PRDM16: variants seen among roughly 807,000 people sequenced by gnomAD.
The protein encoded by PRDM16 is histone-lysine N-methyltransferase PRDM16.
In PRDM16, 23 loss-of-function variants were observed where a neutral mutation model predicts 110.6. The observed-to-expected ratio is 0.21, with a 90% confidence interval of 0.15 to 0.29. The LOEUF (loss-of-function observed/expected upper bound fraction) is 0.29, where lower values mean the gene tolerates loss of function less well. PRDM16 is among the 10% of genes least tolerant of loss of function. The pLI is 1.00. For missense variants in PRDM16, 1,615 were observed against 1,794.3 expected (o/e 0.90, Z 1.81); for synonymous variants, 799 against 781.8 (o/e 1.02, Z -0.37).
At chr1:3,227,433 T>G (rs1350257300) in intron 2 of PRDM16, among the ~76,000 whole-genome samples, 1 of 152,224 alleles carries the variant, frequency 6.6e-6, no homozygotes, top group African/African-American at 2.4e-5. Context: ...CGGGCCTCCG[T>G]CAACTCAGCT....
intron 4 of PRDM16, chr1:3,396,222 G>T: frequency 3.8e-6 from 2 of 523,448 alleles, no homozygotes; most frequent in Non-Finnish European, 3.7e-6. Flanking sequence ...GACACCCCCA[G>T]CTGGGAACTT....
chr1:3,376,852 G>A (rs1642999239), intron 3 of PRDM16, among the ~76,000 whole-genome samples: 1 of 151,940 alleles, frequency 6.6e-6, no homozygotes, highest in Admixed American at 6.6e-5. Flanking sequence ...TGGCCGTGGT[G>A]TGGCCCCATC....
intron 3 of PRDM16, among the ~76,000 whole-genome samples, chr1:3,326,118 CTCGTTGGCCATCCTCGACCATCCTTGG>C (rs1641898418): frequency 7.0e-6 from 1 of 142,544 alleles, no homozygotes; most frequent in African/African-American, 2.7e-5. Flanking sequence ...ATCCTTGGCC[CTCGTTGGCCATCCTCGACCATCCTTGG>C]CCCTCGTTGG....
rs183366971 is a variant in PRDM16 at position 3,382,207 on chromosome 1, C to A, written c.439-2945C>A. ...GGTCTGCACCCTAGAGGATGGGAAG[C>A]CTGCCTCCCTAGTGACAACCAGCCG... On this transcript the variant is annotated intron_variant, in intron 3 of 16. Transcript: ENST00000270722. This position sits in a 1 kb window ranked among gnomAD's most constrained non-coding sequence, Gnocchi z 6.6. Among the ~76,000 whole-genome samples the A allele has an allele frequency of 3.6e-3, 546 of 152,330 alleles. 4 individuals are homozygous for A. Among genetic ancestry groups the A allele is most frequent in the African/African-American group, 0.013 (527 of 41,576 alleles).
chr1:3,395,645 CGTGCCCTGGCCCAGGCCTCAG>C, intron 4 of PRDM16, among the ~76,000 whole-genome samples: 1 of 152,330 alleles, frequency 6.6e-6, no homozygotes, highest in South Asian at 2.1e-4. Context: ...CGGCATGGCC[CGTGCCCTGGCCCAGGCCTCAG>C]ATGGCCTGGC....
intron 3 of PRDM16, among the ~76,000 whole-genome samples, chr1:3,342,860 A>G (rs903164969): frequency 1.3e-5 from 2 of 152,194 alleles, no homozygotes; most frequent in Admixed American, 6.5e-5. Flanking sequence ...CATGCATGGT[A>G]TGAATAGATC....
rs560311282 is a variant in PRDM16, at chr1:3,138,812, C to T, written c.38-47313C>T. ...GGAGGGGGCCTTGGAGGGAGCCAGG[C>T]GCCCCTGCATGAGGGCACACAGCCG... On this transcript the variant is annotated intron_variant, in intron 1 of 16. Coordinates refer to ENST00000270722, the MANE Select transcript of PRDM16 (RefSeq NM_022114.4). Among the ~76,000 whole-genome samples, 202 of 152,280 alleles carry T rather than the reference C, an allele frequency of 1.3e-3. 1 individual carries two copies. The highest frequency in any genetic ancestry group is 4.7e-3 in the African/African-American group (196 of 41,554).
chr1:3,275,952 C>T (rs939371627), intron 3 of PRDM16, among the ~76,000 whole-genome samples: 2 of 152,228 alleles, frequency 1.3e-5, no homozygotes, highest in Admixed American at 1.3e-4. Context: ...CCAGCTGCGC[C>T]CTGTGGGTCT....
In PRDM16 at chr1:3,434,927, A is replaced by G; in HGVS notation, c.*1116A>G. 1 of 231,108 alleles carries G rather than the reference A, an allele frequency of 4.3e-6. No individual in the cohort carries two copies. Among genetic ancestry groups the G allele is most frequent in the Non-Finnish European group, 8.6e-6 (1 of 116,594 alleles). The allele number at this position is 231,108 out of a possible 1,614,324, so 14.3% of individuals were successfully genotyped here. On this transcript the variant is annotated 3_prime_UTR_variant, in exon 17 of 17. Transcript: ENST00000270722. Reference sequence around the variant, plus strand: ...CCTCCACGTGGCTGCCCTGGGGAGCAATCCCAGCGGATCGCTCCGGGCCAC... The same window carrying G: ...CCTCCACGTGGCTGCCCTGGGGAGCGATCCCAGCGGATCGCTCCGGGCCAC...
rs138074343 is a variant in PRDM16 at position 3,329,781 on chromosome 1, G to T, written c.439-55371G>T. 3.2e-3 allele frequency among the ~76,000 whole-genome samples: 490 copies of T among 152,334 alleles called. 4 individuals carry two copies. The highest frequency in any genetic ancestry group is 5.0e-3 in the Non-Finnish European group (341 of 68,034). ...GGCCGTGCGGCTTCTGGAGAGAGGG[G>T]CACGCCTGGGAGAGGCCCCCACTGC... On this transcript the variant is annotated intron_variant, in intron 3 of 16. Transcript: ENST00000270722.
At chr1:3,354,705 G>T (rs576629783) in intron 3 of PRDM16, among the ~76,000 whole-genome samples, 1 of 152,066 alleles carries the variant, frequency 6.6e-6, no homozygotes, top group African/African-American at 2.4e-5. Context: ...TTTCCTCTTC[G>T]CTGAGTCAGT....
At chr1:3,139,233 G>A (rs1377146116) in intron 1 of PRDM16, among the ~76,000 whole-genome samples, 1 of 152,218 alleles carries the variant, frequency 6.6e-6, no homozygotes, top group Non-Finnish European at 1.5e-5. Flanking sequence ...CCTCCCCTAT[G>A]TGGAACTGGG....
chr1:3,383,460 C>T (rs1643140183), intron 3 of PRDM16, among the ~76,000 whole-genome samples: 1 of 152,218 alleles, frequency 6.6e-6, no homozygotes, highest in Non-Finnish European at 1.5e-5. Flanking sequence ...CTGCCTGTCT[C>T]TGCTGTGCTC....
At chr1:3,220,777 G>T (rs981075086) in intron 2 of PRDM16, among the ~76,000 whole-genome samples, 1 of 152,156 alleles carries the variant, frequency 6.6e-6, no homozygotes, top group Non-Finnish European at 1.5e-5. Context: ...TGCAGGGCTC[G>T]TGCATCTGCT....
chr1:3,095,020 C>G (rs1055938574), intron 1 of PRDM16, among the ~76,000 whole-genome samples: 15 of 152,234 alleles, frequency 9.9e-5, no homozygotes, highest in African/African-American at 3.4e-4. Context: ...GAGGGGACGG[C>G]TCTGTTGCCC....
chr1:3,404,953 C>T (rs111532531), intron 7 of PRDM16, 67 bp downstream of exon 7: 17 of 1,541,474 alleles, frequency 1.1e-5, no homozygotes, highest in South Asian at 7.3e-5. Context: ...CGCCCGCCCC[C>T]GTGCTCCCTA....
rs1468407588 is a variant in PRDM16 at position 3,345,343 on chromosome 1, TC to T, written c.439-39808del. ...GGAGAGTACATCCAACAGAAGCTAC[TC>T]TACCACTGTGGGAACCGGAGGCTCC... On this transcript the variant is annotated intron_variant, in intron 3 of 16. Transcript: ENST00000270722. 9.8e-5 allele frequency among the ~76,000 whole-genome samples: 15 copies of T among 152,348 alleles called. No homozygotes were observed. In the East Asian group the frequency reaches 2.9e-3, roughly 29 times the overall value.
At chr1:3,385,973 G>A (rs1164204391) in intron 4 of PRDM16, among the ~76,000 whole-genome samples, 2 of 152,224 alleles carry the variant, frequency 1.3e-5, no homozygotes, top group African/African-American at 2.4e-5. Context: ...CAGGGGAGAA[G>A]ACGCGGAGTC....
intron 1 of PRDM16, among the ~76,000 whole-genome samples, chr1:3,173,646 C>T (rs1557501952): frequency 6.6e-6 from 1 of 152,246 alleles, no homozygotes; most frequent in Non-Finnish European, 1.5e-5. Flanking sequence ...CCCGCCTGCC[C>T]CAGAGGCGTG....
Sources: gnomAD v4.1 joint callset for allele counts (sites outside exome capture counted in the v4.1 genomes callset) on GRCh38, gnomAD v4.1.1 for gene constraint, Gnocchi (gnomAD v3.1) non-coding constraint, MANE v1.5 for transcripts, NCBI Gene and HGNC (gene_info 2026-07-23, HGNC 2026-07-21) for gene names.